MACF1: variants seen among roughly 807,000 people sequenced by gnomAD.
The protein encoded by MACF1 is microtubule actin crosslinking factor 1.
A neutral mutation model predicts 854.8 loss-of-function variants in MACF1; 193 were observed. The ratio of observed to expected loss-of-function variants is 0.23; its 90% CI spans 0.20 to 0.25. The LOEUF is 0.25. Among genes scored for constraint, MACF1 ranks in the 10% least tolerant of loss-of-function variants. MACF1 has a pLI of 1.00. For missense variants in MACF1, 7,722 were observed against 8,929.1 expected, an observed-to-expected ratio of 0.86 and a Z score of 5.45; for synonymous variants, 3,185 against 3,226.7, an observed-to-expected ratio of 0.99 and a Z score of 0.44.
intron 58 of MACF1, among the ~76,000 whole-genome samples, chr1:39,394,934 C>A (rs980561394): frequency 6.6e-6 from 1 of 152,194 alleles, no homozygotes; most frequent in Admixed American, 6.5e-5. Context: ...CTTGTGCTGA[C>A]CCTTCCTTGG....
intron 2 of MACF1, among the ~76,000 whole-genome samples, chr1:39,147,878 T>G (rs1189199068): frequency 2.6e-5 from 4 of 152,234 alleles, no homozygotes; most frequent in South Asian, 4.1e-4. Flanking sequence ...GACCCTCGTC[T>G]TCTTTGATTT....
At chr1:39,299,824 CTAA>C (rs1646003955) in intron 21 of MACF1, among the ~76,000 whole-genome samples, 1 of 152,184 alleles carries the variant, frequency 6.6e-6, no homozygotes. Flanking sequence ...GAGAAATTGA[CTAA>C]TAATAATATA....
intron 5 of MACF1, among the ~76,000 whole-genome samples, chr1:39,255,154 A>G (rs1027175499): frequency 1.3e-5 from 2 of 152,228 alleles, no homozygotes; most frequent in Non-Finnish European, 2.9e-5. Flanking sequence ...GCCTTCTGAC[A>G]TGCAGTTTAG....
chr1:39,324,393 T>C, intron 34 of MACF1, 48 bp downstream of exon 34: 3 of 1,595,618 alleles, frequency 1.9e-6, no homozygotes, highest in African/African-American at 1.3e-5. Context: ...TAATATGTGA[T>C]AATACATTAG....
chr1:39,301,515 C>A (rs1364169193), intron 22 of MACF1, among the ~76,000 whole-genome samples: 1 of 151,042 alleles, frequency 6.6e-6, no homozygotes, highest in African/African-American at 2.4e-5. Context: ...AACCTCTGCC[C>A]CCTGGGTTCA....
At chr1:39,391,629 G>T (rs765445776) in intron 58 of MACF1, among the ~76,000 whole-genome samples, 21 of 152,288 alleles carry the variant, frequency 1.4e-4, no homozygotes, top group Non-Finnish European at 1.9e-4. Context: ...CCACATGCAG[G>T]CATAAATAGT....
rs1646754432 is a variant in MACF1, at chr1:39,333,069, C to A, written c.6481C>A (p.Gln2161Lys). The A allele has an allele frequency of 1.2e-6, 2 of 1,614,084 alleles. No individual in the cohort carries two copies. Among genetic ancestry groups the A allele is most frequent in the Non-Finnish European group, 1.7e-6 (2 of 1,180,014 alleles). Residue 2161 changes from glutamine (Q) to lysine (K), a missense_variant, in exon 37 of 101, where the codon CAA becomes AAA. By Grantham distance (53) the Gln-to-Lys change is moderately conservative. Coordinates refer to ENST00000564288, the MANE Select transcript of MACF1 (RefSeq NM_001394062.1). ...TGTTGAAACACCAAAGAAAGAACAT[C>A]AACCTCTAAGAAACACTTCCTTTAC... is the stretch of plus-strand genomic sequence containing the variant. ...FSVETPKKEHQPLRNTSFTCQ... is the reference protein window; with the variant it reads ...FSVETPKKEHKPLRNTSFTCQ...
At chr1:39,178,213 T>C (rs1186625346) in intron 2 of MACF1, among the ~76,000 whole-genome samples, 1 of 151,742 alleles carries the variant, frequency 6.6e-6, no homozygotes, top group African/African-American at 2.4e-5. Context: ...AATTTTACTT[T>C]AAGTTCTGGG....
In MACF1 at chr1:39,084,816, A is replaced by G. The variant is rs1471000438; in HGVS notation, c.220+378A>G. Among the ~76,000 whole-genome samples, 1 of 152,084 alleles carries G rather than the reference A, an allele frequency of 6.6e-6. No individual in the cohort carries two copies. The highest frequency in any genetic ancestry group is 6.5e-5 in the Admixed American group (1 of 15,278). On this transcript the variant is annotated intron_variant, in intron 2 of 93. Coordinates refer to the MACF1 transcript ENST00000361689. This position sits in a 1 kb window ranked among gnomAD's most constrained non-coding sequence, Gnocchi z 5.2. ...TTGCACTTTAGACTTTATGGTTACC[A>G]TTTCTAAAAGCTGTCTATTTCATGA...
At position 39,412,715 on chromosome 1, in the gene MACF1, C is replaced by T. The variant is rs1046183476; in HGVS notation, c.15817-9659C>T. ...TTTCCAGAGAAACAAGTTACCAAGG[C>T]TGGTAATACTGAACCAGTTTTAGAG... On this transcript the variant is annotated intron_variant, in intron 58 of 100. Transcript: ENST00000564288. 3 of 1,613,828 alleles carry T rather than the reference C, an allele frequency of 1.9e-6. No individual in the cohort carries two copies. In the African/African-American group the frequency reaches 4.0e-5, roughly 22 times the overall value.
chr1:39,146,353 G>T (rs1643463398), intron 2 of MACF1, among the ~76,000 whole-genome samples: 1 of 151,570 alleles, frequency 6.6e-6, no homozygotes. Context: ...TGAGGCAGGA[G>T]AATTGCTTGA....
At chr1:39,413,963 C>T (rs368601962) in intron 58 of MACF1, 20 of 1,606,608 alleles carry the variant, frequency 1.2e-5, no homozygotes, top group Non-Finnish European at 1.7e-5. Context: ...TCCCTAGCAG[C>T]TGCAGTGTCC....
Position 39,448,746 on chromosome 1 carries a change from T to G in MACF1, c.20241T>G (p.Cys6747Trp). ...TCAGAGACAAATGGGATACTGTTTGTGGCAAGTCTGTGGAGCGGTGAGCAT... is the reference window on the plus strand; with the variant it reads ...TCAGAGACAAATGGGATACTGTTTGGGGCAAGTCTGTGGAGCGGTGAGCAT... ...GEVRDKWDTVCGKSVERQHKL... is the reference protein window; with the variant it reads ...GEVRDKWDTVWGKSVERQHKL... The change falls in exon 84 of 101, where the codon TGT becomes TGG. Residue 6747 changes from cysteine to tryptophan, a missense_variant. Cys to Trp is a radical substitution (Grantham distance 215). This residue lies in a region of MACF1 where 729 missense variants were observed against 900.5 expected (regional missense o/e 0.81). Transcript: ENST00000564288. 1 of 1,612,452 alleles carries G rather than the reference T, an allele frequency of 6.2e-7. No individual in the cohort carries two copies. Among genetic ancestry groups the G allele is most frequent in the Non-Finnish European group, 8.5e-7 (1 of 1,179,092 alleles).
chr1:39,250,306 T>G (rs1645026559), intron 3 of MACF1: 1 of 363,774 alleles, frequency 2.7e-6, no homozygotes, highest in Non-Finnish European at 4.9e-6. Context: ...GTATTATATG[T>G]TCTCATTTCT....
At chr1:39,414,268 A>G (rs767435397) in intron 58 of MACF1, 15 of 1,613,854 alleles carry the variant, frequency 9.3e-6, no homozygotes, top group African/African-American at 6.7e-5. Flanking sequence ...AGTTTCCCCC[A>G]TTGGTGTGCC....
At position 39,422,528 on chromosome 1, in the gene MACF1, A is replaced by G. The variant is rs1335694670; in HGVS notation, c.15971A>G (p.Asn5324Ser). 1.2e-6 allele frequency: 2 copies of G among 1,608,944 alleles called. No individual in the cohort carries two copies. Among genetic ancestry groups the G allele is most frequent in the Non-Finnish European group, 1.7e-6 (2 of 1,176,704 alleles). ...ATCAATGCTCGATGGAATACATTGA[A>G]TAAAAAGGTGAGTGACAATGGGGTA... ...EEINARWNTL[N>S]KKVAQRIAQL... The change falls in exon 59 of 101, where the codon AAT becomes AGT. Residue 5324 changes from asparagine (N) to serine (S), a missense_variant. This residue lies in a region of MACF1 where 2,807 missense variants were observed against 3,235.8 expected (regional missense o/e 0.87). Coordinates refer to ENST00000564288, the MANE Select transcript of MACF1 (RefSeq NM_001394062.1).
chr1:39,104,600 T>TTATGTC (rs1642172125), intron 2 of MACF1, among the ~76,000 whole-genome samples: 1 of 152,126 alleles, frequency 6.6e-6, no homozygotes, highest in Non-Finnish European at 1.5e-5. Context: ...CCCTACAGAT[T>TTATGTC]TATGTCTCCC....
At chr1:39,193,125 A>T (rs1014161313) in intron 2 of MACF1, among the ~76,000 whole-genome samples, 8 of 152,318 alleles carry the variant, frequency 5.3e-5, no homozygotes, top group East Asian at 1.9e-4. Flanking sequence ...AAATTAAAAA[A>T]AAAAAGAATA....
chr1:39,154,394 T>G (rs566583724), intron 2 of MACF1: 1 of 152,190 alleles, frequency 6.6e-6, no homozygotes, highest in Non-Finnish European at 1.5e-5. Context: ...CTGGTAAGCA[T>G]TCAACAGATA....
Sources: gnomAD v4.1 joint callset for allele counts (sites outside exome capture counted in the v4.1 genomes callset) on GRCh38, gnomAD v4.1.1 for gene constraint, gnomAD v4.1.1 regional missense constraint, Gnocchi (gnomAD v3.1) non-coding constraint, MANE v1.5 for transcripts, NCBI Gene and HGNC (gene_info 2026-07-23, HGNC 2026-07-21) for gene names.